PTBP3: variants seen among roughly 807,000 people sequenced by gnomAD.
The protein encoded by PTBP3 is polypyrimidine tract binding protein 3, also known as polypyrimidine tract-binding protein 3.
PTBP3 carries 20 observed loss-of-function variants against 58.7 expected under a neutral mutation model. The ratio of observed to expected loss-of-function variants is 0.34; its 90% CI spans 0.24 to 0.50. PTBP3 has a LOEUF of 0.50. Ranked by LOEUF, PTBP3 falls within the 20% of genes least tolerant of loss-of-function variation. The pLI is 0.98. For synonymous variants in PTBP3, 185 were observed against 219.8 expected, an observed-to-expected ratio of 0.84 and a Z score of 1.40; for missense variants, 509 against 637.2, an observed-to-expected ratio of 0.80 and a Z score of 2.17.
intron 8 of PTBP3, among the ~76,000 whole-genome samples, chr9:112,233,447 A>T (rs1397316239): frequency 6.6e-6 from 1 of 152,076 alleles, no homozygotes; most frequent in Non-Finnish European, 1.5e-5. Flanking sequence ...GGGAAAACAT[A>T]TCAAAATGTC....
At chr9:112,356,293 G>A in the PTBP3 span, among the ~76,000 whole-genome samples, 2 of 152,086 alleles carry the variant, frequency 1.3e-5, no homozygotes, top group Non-Finnish European at 2.9e-5. Context: ...ACTCTTTAAA[G>A]CAGCTTTCCC....
intron 4 of PTBP3, 52 bp from the exon 5 acceptor site, chr9:112,262,651 A>C (rs552955562): frequency 6.9e-7 from 1 of 1,455,960 alleles, no homozygotes; most frequent in African/African-American, 1.5e-5. Flanking sequence ...GCATTATATG[A>C]ATCCTAAAAT....
At chr9:112,284,270 ACACAGC>A (rs61174565) in intron 2 of PTBP3, among the ~76,000 whole-genome samples, 42,543 of 151,818 alleles carry the variant, frequency 0.28, 6,839 homozygotes, top group South Asian at 0.41. Context: ...CTGGCATTCA[ACACAGC>A]CACAGGGGCT....
rs35381625 is a variant in PTBP3 at position 112,320,279 on chromosome 9, TA to T, written c.-52+13190del. The stretch of plus-strand genomic sequence containing the variant: ...GGCAACAGGACGAGACCCTTTCTCT[TA>T]AAAAAAAAAAAATATATATATATAT... On this transcript the variant is annotated intron_variant, in intron 1 of 13. Transcript: ENST00000374257. Among the ~76,000 whole-genome samples, 61 of 43,716 alleles carry T rather than the reference TA, an allele frequency of 1.4e-3. 2 individuals carry two copies. Among genetic ancestry groups the T allele is most frequent in the African/African-American group, 7.2e-3 (54 of 7,510 alleles). The allele number at this position is 43,716 out of a possible 152,430, so 28.7% of individuals were successfully genotyped here.
intron 6 of PTBP3, among the ~76,000 whole-genome samples, chr9:112,251,677 G>C (rs1564406070): frequency 6.6e-6 from 1 of 152,036 alleles, no homozygotes; most frequent in African/African-American, 2.4e-5. Flanking sequence ...CCAAAGATTA[G>C]CAACCCCTTC....
intron 2 of PTBP3, among the ~76,000 whole-genome samples, chr9:112,287,068 T>C (rs1047683519): frequency 1.3e-4 from 20 of 152,154 alleles, no homozygotes; most frequent in African/African-American, 4.6e-4. Context: ...CTTTTAAGAT[T>C]TACTCTGCAT....
intron 3 of PTBP3, 59 bp downstream of exon 3, chr9:112,275,785 A>T: frequency 2.9e-6 from 4 of 1,366,092 alleles, no homozygotes; most frequent in Non-Finnish European, 4.0e-6. Flanking sequence ...AATAAAAATT[A>T]TCAGTAATAC....
At chr9:112,321,579 C>G (rs1187310784) in intron 1 of PTBP3, among the ~76,000 whole-genome samples, 1 of 151,028 alleles carries the variant, frequency 6.6e-6, no homozygotes, top group African/African-American at 2.4e-5. Flanking sequence ...TAAAATTCAT[C>G]AGCTATTCTT....
chr9:112,376,334 A>G, the PTBP3 span, among the ~76,000 whole-genome samples: 1 of 138,444 alleles, frequency 7.2e-6, no homozygotes, highest in Non-Finnish European at 1.5e-5. Flanking sequence ...GCTCACTGCA[A>G]CCTCCGCCTC....
intron 12 of PTBP3, among the ~76,000 whole-genome samples, chr9:112,224,741 T>C (rs761642071): frequency 2.3e-4 from 35 of 152,208 alleles, no homozygotes; most frequent in Non-Finnish European, 3.8e-4. Flanking sequence ...TGTAAACACT[T>C]TGGATACTGT....
chr9:112,366,065 A>G, the PTBP3 span, among the ~76,000 whole-genome samples: 2 of 152,066 alleles, frequency 1.3e-5, no homozygotes, highest in African/African-American at 4.8e-5. Flanking sequence ...TGGGTGGATC[A>G]TGAGGTCAGG....
intron 11 of PTBP3, among the ~76,000 whole-genome samples, chr9:112,227,953 A>C (rs1455613925): frequency 6.6e-6 from 1 of 152,196 alleles, no homozygotes; most frequent in Non-Finnish European, 1.5e-5. Flanking sequence ...TTTTTATAAG[A>C]AATTTTGAGT....
chr9:112,280,202 A>G (rs1827794831), intron 2 of PTBP3, among the ~76,000 whole-genome samples: 1 of 151,966 alleles, frequency 6.6e-6, no homozygotes, highest in African/African-American at 2.4e-5. Flanking sequence ...TTATAGGTGC[A>G]CACCACCACG....
chr9:112,266,139 T>G (rs1164411556), intron 4 of PTBP3, among the ~76,000 whole-genome samples: 1 of 151,942 alleles, frequency 6.6e-6, no homozygotes, highest in Non-Finnish European at 1.5e-5. Context: ...ATGGATAGAG[T>G]GTTTCAGTTT....
At chr9:112,253,970 A>T (rs1023630404) in intron 5 of PTBP3, among the ~76,000 whole-genome samples, 1 of 152,204 alleles carries the variant, frequency 6.6e-6, no homozygotes, top group Non-Finnish European at 1.5e-5. Context: ...ATCTTAAAAC[A>T]AGAATTTGTT....
chr9:112,275,814 A>T, intron 3 of PTBP3, 30 bp downstream of exon 3: 1 of 1,538,788 alleles, frequency 6.5e-7, no homozygotes, highest in Non-Finnish European at 8.9e-7. Flanking sequence ...GGAGATAATC[A>T]CTCTTTGTCA....
At chr9:112,288,163 C>T (rs1828224511) in intron 2 of PTBP3, among the ~76,000 whole-genome samples, 1 of 152,132 alleles carries the variant, frequency 6.6e-6, no homozygotes, top group Non-Finnish European at 1.5e-5. Context: ...CTAGTTCAGT[C>T]CATGTCTCCT....
At chr9:112,314,050 G>T (rs2095971) in intron 1 of PTBP3, among the ~76,000 whole-genome samples, 5,559 of 152,254 alleles carry the variant, frequency 0.037, 196 homozygotes, top group African/African-American at 0.098. Context: ...GGCATTCTAA[G>T]TAATCTAGAG....
the PTBP3 span, among the ~76,000 whole-genome samples, chr9:112,342,535 G>A: frequency 6.6e-6 from 1 of 152,168 alleles, no homozygotes; most frequent in Admixed American, 6.6e-5. Context: ...TGGCCAACAT[G>A]GTGAAACCCA....
Sources: allele counts gnomAD v4.1 joint callset (sites outside exome capture counted in the v4.1 genomes callset), GRCh38; gene constraint gnomAD v4.1.1; transcripts MANE v1.5; gene names NCBI Gene and HGNC (gene_info 2026-07-23, HGNC 2026-07-21).